The following SH3PXD2A variants were observed in gnomAD, a reference collection of about 807,000 sequenced individuals.
SH3PXD2A encodes SH3 and PX domains 2A, also known as SH3 and PX domain-containing protein 2A.
SH3PXD2A carries 32 observed loss-of-function variants against 115.2 expected under a neutral mutation model. The observed-to-expected ratio is 0.28, with a 90% confidence interval of 0.21 to 0.37. SH3PXD2A has a LOEUF of 0.37. Ranked by LOEUF, SH3PXD2A falls within the 10% of genes least tolerant of loss-of-function variation. The pLI is 1.00. For synonymous variants in SH3PXD2A, 610 were observed against 629.1 expected (o/e 0.97, Z 0.45); for missense variants, 1,328 against 1,498.7 (o/e 0.89, Z 1.88).
Position 103,724,370 on chromosome 10 carries a change from A to G in SH3PXD2A, c.307-9T>C. 6.5e-7 allele frequency: 1 copy of G among 1,549,990 alleles called. No homozygotes were observed. Among genetic ancestry groups the G allele is most frequent in the South Asian group, 1.2e-5 (1 of 84,336 alleles). ...GGCAGCCGGACAAGTGCCTGTGGAGAGACAGGAAGAAAGGGCATTAGGTGT... is the reference window on the plus strand; with the variant it reads ...GGCAGCCGGACAAGTGCCTGTGGAGGGACAGGAAGAAAGGGCATTAGGTGT... On this transcript the variant is annotated splice_polypyrimidine_tract_variant and intron_variant, in intron 4 of 14. Coordinates refer to ENST00000369774, the MANE Select transcript of SH3PXD2A (RefSeq NM_001394015.1).
intron 2 of SH3PXD2A, among the ~76,000 whole-genome samples, chr10:103,794,428 T>C (rs1381014962): frequency 6.6e-6 from 1 of 152,130 alleles, no homozygotes; most frequent in Non-Finnish European, 1.5e-5. Flanking sequence ...GCAGAGCAAT[T>C]ACTGTAGCCC....
At chr10:103,849,224 A>G (rs1348389521) in intron 1 of SH3PXD2A, among the ~76,000 whole-genome samples, 1 of 152,160 alleles carries the variant, frequency 6.6e-6, no homozygotes, top group Non-Finnish European at 1.5e-5. Flanking sequence ...TGGGTGTCAG[A>G]GACCAGGGTG....
intron 1 of SH3PXD2A, among the ~76,000 whole-genome samples, chr10:103,834,863 G>A (rs1564900414): frequency 6.6e-6 from 1 of 152,232 alleles, no homozygotes; most frequent in Non-Finnish European, 1.5e-5. Context: ...TAACCACTAT[G>A]TGGGCCGCTA....
At chr10:103,656,652 A>G (rs1013071970) in intron 8 of SH3PXD2A, among the ~76,000 whole-genome samples, 2 of 152,080 alleles carry the variant, frequency 1.3e-5, no homozygotes, top group Non-Finnish European at 2.9e-5. Flanking sequence ...CAACATAGTA[A>G]AACCCTGTCT....
intron 3 of SH3PXD2A, among the ~76,000 whole-genome samples, chr10:103,764,206 G>A (rs534869819): frequency 4.6e-5 from 7 of 152,272 alleles, no homozygotes; most frequent in African/African-American, 7.2e-5. Context: ...ATTGTGTTGC[G>A]TTATTTTTCC....
intron 3 of SH3PXD2A, among the ~76,000 whole-genome samples, chr10:103,759,185 G>C (rs1211398760): frequency 6.6e-6 from 1 of 152,170 alleles, no homozygotes; most frequent in Non-Finnish European, 1.5e-5. Context: ...GAACATGCTT[G>C]CAATTCACCC....
At chr10:103,634,329 C>T (rs572527679) in intron 8 of SH3PXD2A, among the ~76,000 whole-genome samples, 4 of 152,310 alleles carry the variant, frequency 2.6e-5, no homozygotes, top group East Asian at 3.9e-4. Context: ...GCACCGAGGC[C>T]GTGTCTGCAC....
In SH3PXD2A at chr10:103,622,666, C is replaced by A. The variant is rs1381963001; in HGVS notation, c.719-113G>T. 7.3e-6 allele frequency: 5 copies of A among 680,760 alleles called. No individual in the cohort carries two copies. The African/African-American group carries it at 8.8e-5, about 12-fold the overall frequency. 42.2% of individuals were successfully genotyped at this position (680,760 alleles called of 1,614,324 possible). On this transcript the variant is annotated intron_variant, in intron 9 of 14. Coordinates refer to ENST00000369774, the MANE Select transcript of SH3PXD2A (RefSeq NM_001394015.1). ...GGAAGGGGCACAGGGAGGGGAGGCC[C>A]ACACTTCCAGTCACCATCACCTGGA...
chr10:103,719,965 C>T (rs908939595), intron 5 of SH3PXD2A, among the ~76,000 whole-genome samples: 1 of 152,204 alleles, frequency 6.6e-6, no homozygotes, highest in African/African-American at 2.4e-5. Context: ...GGTGATCCAC[C>T]CGCCTTGGGC....
intron 13 of SH3PXD2A, among the ~76,000 whole-genome samples, chr10:103,608,154 A>AAAAAAAAAAAAAAAAGTTTAC (rs2036358972): frequency 2.8e-5 from 4 of 143,380 alleles, no homozygotes; most frequent in Non-Finnish European, 6.1e-5. Flanking sequence ...TCAATTTAAA[A>AAAAAAAAAAAAAAAAGTTTAC]AAAAAAAAAA....
intron 7 of SH3PXD2A, among the ~76,000 whole-genome samples, chr10:103,662,860 A>G (rs1443901727): frequency 6.6e-6 from 1 of 152,100 alleles, no homozygotes; most frequent in Non-Finnish European, 1.5e-5. Context: ...GCTGGAATGC[A>G]GTGGTGCAAT....
chr10:103,833,612 G>A (rs565397195), intron 1 of SH3PXD2A, among the ~76,000 whole-genome samples: 21 of 152,238 alleles, frequency 1.4e-4, no homozygotes, highest in African/African-American at 4.3e-4. Flanking sequence ...TTATCTACCC[G>A]AACTTTCTTG....
At chr10:103,855,138 G>C in intron 1 of SH3PXD2A, 57 bp downstream of exon 1, 3 of 1,337,414 alleles carry the variant, frequency 2.2e-6, no homozygotes, top group Non-Finnish European at 3.1e-6. Flanking sequence ...GGGGCCATCC[G>C]GGGCCCTCCC....
chr10:103,668,708 C>T (rs911294761), intron 6 of SH3PXD2A, 56 bp from the exon 7 acceptor site: 75 of 1,257,478 alleles, frequency 6.0e-5, no homozygotes, highest in Non-Finnish European at 6.6e-5. Flanking sequence ...AGAGAGAGAA[C>T]GGTTAGGCAG....
intron 1 of SH3PXD2A, among the ~76,000 whole-genome samples, chr10:103,827,701 T>A (rs1018022903): frequency 6.6e-6 from 1 of 152,188 alleles, no homozygotes; most frequent in East Asian, 1.9e-4. Context: ...GTGGATTATT[T>A]GTCCATGCAA....
intron 5 of SH3PXD2A, among the ~76,000 whole-genome samples, chr10:103,711,570 C>G (rs1403882580): frequency 6.6e-6 from 1 of 152,194 alleles, no homozygotes; most frequent in Non-Finnish European, 1.5e-5. Context: ...CAGACCTCGT[C>G]CCCGGGCTAC....
At chr10:103,776,426 GTGTGTGTGTC>G (rs56321781) in intron 2 of SH3PXD2A, among the ~76,000 whole-genome samples, 10,068 of 129,714 alleles carry the variant, frequency 0.078, 432 homozygotes, top group Non-Finnish European at 0.1. Flanking sequence ...GTGTGCATGC[GTGTGTGTGTC>G]TGTGTGTGTG....
chr10:103,791,134 C>T (rs1177901630), intron 2 of SH3PXD2A, among the ~76,000 whole-genome samples: 1 of 152,230 alleles, frequency 6.6e-6, no homozygotes, highest in Admixed American at 6.5e-5. Context: ...AGAGGACATT[C>T]CAGCTTCTTA....
intron 1 of SH3PXD2A, among the ~76,000 whole-genome samples, chr10:103,844,749 A>G (rs1842823755): frequency 6.6e-6 from 1 of 152,188 alleles, no homozygotes; most frequent in South Asian, 2.1e-4. Context: ...CTCAGGTTCC[A>G]TATGAGTCAA....
Sources: allele counts gnomAD v4.1 joint callset (sites outside exome capture counted in the v4.1 genomes callset), GRCh38; gene constraint gnomAD v4.1.1; transcripts MANE v1.5; gene names NCBI Gene and HGNC (gene_info 2026-07-23, HGNC 2026-07-21).